Variants in ENOX2 observed in about 807,000 individuals in gnomAD.
ENOX2 encodes the protein APK1 antigen.
In ENOX2, 36 loss-of-function variants were observed where a neutral mutation model predicts 45.0. The observed-to-expected ratio is 0.80, with a 90% CI of 0.61 to 1.06. The LOEUF (loss-of-function observed/expected upper bound fraction) is 1.06. Ranked by LOEUF, ENOX2 falls within the 50% of genes least tolerant of loss-of-function variation. The pLI is 0.00. For synonymous variants in ENOX2, 174 were observed against 152.3 expected (o/e 1.14, Z -1.05); for missense variants, 423 against 462.5 (o/e 0.91, Z 0.78).
At chrX:130,726,746 T>C (rs1296819369) in intron 3 of ENOX2, among the ~76,000 whole-genome samples, 1 of 112,668 alleles carries the variant, frequency 8.9e-6, no homozygotes, top group Non-Finnish European at 1.9e-5. Context: ...GATTTTACGA[T>C]GATTTAGAGG....
At chrX:130,641,501 G>A (rs1409014189) in intron 10 of ENOX2, among the ~76,000 whole-genome samples, 1 of 110,571 alleles carries the variant, frequency 9.0e-6, no homozygotes, top group African/African-American at 3.3e-5. Context: ...GGCAGATCAT[G>A]AGGTCAGGAG....
intron 10 of ENOX2, among the ~76,000 whole-genome samples, chrX:130,652,176 C>T (rs969400354): frequency 8.9e-6 from 1 of 111,917 alleles, no homozygotes; most frequent in African/African-American, 3.2e-5. Context: ...CTCTCAATTC[C>T]GATTTTCTTT....
chrX:130,790,074 A>C (rs993627704), intron 2 of ENOX2, among the ~76,000 whole-genome samples: 1 of 112,916 alleles, frequency 8.9e-6, no homozygotes, highest in Non-Finnish European at 1.9e-5. Context: ...AATGAAACCT[A>C]CTTTGTCAAT....
At chrX:130,883,257 C>A (rs918277513) in intron 2 of ENOX2, among the ~76,000 whole-genome samples, 1 of 111,130 alleles carries the variant, frequency 9.0e-6, no homozygotes, top group Non-Finnish European at 1.9e-5. Flanking sequence ...ATTACAGGAA[C>A]CCACCACCAT....
chrX:130,862,238 C>T (rs1182794308), intron 2 of ENOX2, among the ~76,000 whole-genome samples: 2 of 111,350 alleles, frequency 1.8e-5, no homozygotes, highest in Non-Finnish European at 3.8e-5. Context: ...TCTAGTCACA[C>T]TAGCTCCTTA....
At chrX:130,782,565 G>C (rs756313074) in intron 3 of ENOX2, among the ~76,000 whole-genome samples, 15 of 111,639 alleles carry the variant, frequency 1.3e-4, no homozygotes, top group African/African-American at 4.5e-4. Flanking sequence ...CAAATATCTT[G>C]ATTTATAAGC....
rs1024132258 is a variant in ENOX2, at chrX:130,868,517, G to A, written c.-183+33167C>T. Among the ~76,000 whole-genome samples the A allele has an allele frequency of 1.7e-4, 19 of 111,583 alleles. 1 individual carries two copies. The highest frequency in any genetic ancestry group is 3.6e-4 in the Non-Finnish European group (19 of 53,055). ...AAGAATCTTGGGCTCGGAGCCCCCG[G>A]TGTTCATGGACCACACTTAGAATCA... On this transcript the variant is annotated intron_variant, in intron 2 of 14. Coordinates refer to ENST00000394363, the MANE Select transcript of ENOX2 (RefSeq NM_006375.4).
chrX:130,782,192 TATA>T (rs2076908083), intron 3 of ENOX2, among the ~76,000 whole-genome samples: 1 of 111,810 alleles, frequency 8.9e-6, no homozygotes. Context: ...ACATGAAATT[TATA>T]ATATCATATA....
chrX:130,747,362 A>C (rs1248071158), intron 3 of ENOX2, among the ~76,000 whole-genome samples: 1 of 111,764 alleles, frequency 8.9e-6, no homozygotes, highest in African/African-American at 3.3e-5. Context: ...TGGCCTTTTA[A>C]ATGAAAAGTC....
At chrX:130,736,716 GC>G (rs2038869455) in intron 3 of ENOX2, among the ~76,000 whole-genome samples, 1 of 111,992 alleles carries the variant, frequency 8.9e-6, no homozygotes. Flanking sequence ...AATAAAGGAG[GC>G]CGAAGTCTCA....
At chrX:130,627,564 G>C (rs924278874) in intron 14 of ENOX2, among the ~76,000 whole-genome samples, 4 of 111,548 alleles carry the variant, frequency 3.6e-5, no homozygotes, top group Admixed American at 9.5e-5. Context: ...CTGGGCAACA[G>C]AGTGAGACCC....
At chrX:130,679,807 C>T (rs904255427) in intron 5 of ENOX2, 59 bp from the exon 6 acceptor site, 16 of 909,439 alleles carry the variant, frequency 1.8e-5, no homozygotes, top group African/African-American at 9.7e-5. Flanking sequence ...CAGACCTCTT[C>T]GAAATCTAAC....
intron 3 of ENOX2, among the ~76,000 whole-genome samples, chrX:130,746,201 T>C (rs1293311579): frequency 8.9e-6 from 1 of 112,251 alleles, no homozygotes; most frequent in Non-Finnish European, 1.9e-5. Context: ...AGCTTCCCGT[T>C]AATGAGCAGC....
Position 130,637,337 on chromosome X carries a change from A to G in ENOX2, c.1203T>C (p.Asn401=), listed in dbSNP as rs748129237. ...GTTCTTGCTTGAGCAGTTCTACTTC[A>G]TTCCGGTAGGCATCGAGCTGCCAAC... The part of the protein sequence containing the change: ...SLRWQLDAYR[N]EVELLKQEQG... Residue 401 remains asparagine, a synonymous_variant, in exon 11 of 15, where the codon AAT becomes AAC. Coordinates refer to ENST00000394363, the MANE Select transcript of ENOX2 (RefSeq NM_006375.4). The G allele has an allele frequency of 8.3e-7, 1 of 1,210,722 alleles. No individual in the cohort carries two copies. The highest frequency in any genetic ancestry group is 2.2e-5 in the Admixed American group (1 of 46,043).
chrX:130,805,130 C>A (rs1351307839), intron 2 of ENOX2, among the ~76,000 whole-genome samples: 1 of 111,742 alleles, frequency 8.9e-6, no homozygotes, highest in Non-Finnish European at 1.9e-5. Context: ...TTCTCAGCTT[C>A]TAAACTGTAT....
At chrX:130,640,075 C>T (rs2036037418) in intron 10 of ENOX2, among the ~76,000 whole-genome samples, 2 of 111,962 alleles carry the variant, frequency 1.8e-5, no homozygotes, top group African/African-American at 6.5e-5. Context: ...TGTGTCCTCA[C>T]ATTAGGAAGG....
chrX:130,744,732 G>C (rs5977367), intron 3 of ENOX2, among the ~76,000 whole-genome samples: 9,632 of 111,313 alleles, frequency 0.087, 1,007 homozygotes, highest in African/African-American at 0.3. Context: ...TTACAGAGCT[G>C]TAACTTCAAC....
At chrX:130,881,186 G>A (rs1444286323) in intron 2 of ENOX2, among the ~76,000 whole-genome samples, 1 of 112,317 alleles carries the variant, frequency 8.9e-6, no homozygotes, top group African/African-American at 3.2e-5. Context: ...ATAGCCACAT[G>A]TGGCTAGTGG....
intron 2 of ENOX2, among the ~76,000 whole-genome samples, chrX:130,827,536 G>T (rs1022847515): frequency 9.0e-6 from 1 of 111,100 alleles, no homozygotes; most frequent in Non-Finnish European, 1.9e-5. Context: ...TTCCTTATTT[G>T]GCCATAAGCT....
Sources: allele counts gnomAD v4.1 joint callset (sites outside exome capture counted in the v4.1 genomes callset), GRCh38; gene constraint gnomAD v4.1.1; transcripts MANE v1.5; gene names NCBI Gene and HGNC (gene_info 2026-07-23, HGNC 2026-07-21).